TRPM3: variants seen among roughly 807,000 people sequenced by gnomAD.
The protein encoded by TRPM3 is transient receptor potential cation channel subfamily M member 3.
TRPM3 carries 77 observed loss-of-function variants against 181.2 expected under a neutral mutation model. The ratio of observed to expected loss-of-function variants is 0.42; its 90% confidence interval spans 0.35 to 0.51. TRPM3 has a LOEUF of 0.51. Ranked by LOEUF, TRPM3 falls within the 20% of genes least tolerant of loss-of-function variation. The probability of loss-of-function intolerance (pLI) is 0.01; values close to 1 mark genes in which losing one functional copy is unlikely to be tolerated. For synonymous variants in TRPM3, 745 were observed against 796.4 expected (o/e 0.94, Z 1.09); for missense variants, 1,759 against 2,196.7 (o/e 0.80, Z 3.98).
At chr9:70,774,698 T>C (rs2081012354) in intron 7 of TRPM3, 1 of 152,202 alleles carries the variant, frequency 6.6e-6, no homozygotes, top group Non-Finnish European at 1.5e-5. Flanking sequence ...CATGGTTCTA[T>C]GGATTTAGAG....
At chr9:70,606,699 G>A (rs530681467) in intron 19 of TRPM3, among the ~76,000 whole-genome samples, 64 of 151,752 alleles carry the variant, frequency 4.2e-4, no homozygotes, top group African/African-American at 1.4e-3. Context: ...CAACCTGTAT[G>A]TAGAATTTCC....
intron 7 of TRPM3, among the ~76,000 whole-genome samples, chr9:70,766,553 A>G (rs1489891697): frequency 1.3e-5 from 2 of 152,228 alleles, no homozygotes. Context: ...AGACACAATC[A>G]CCCACAGAAT....
intron 18 of TRPM3, among the ~76,000 whole-genome samples, chr9:70,614,454 C>T (rs564021787): frequency 6.6e-6 from 1 of 152,164 alleles, no homozygotes; most frequent in Non-Finnish European, 1.5e-5. Context: ...TATAATCACA[C>T]CATTTTACTC....
At chr9:71,046,586 GTCTCCGGA>G (rs1276068241) in intron 1 of TRPM3, among the ~76,000 whole-genome samples, 3 of 152,098 alleles carry the variant, frequency 2.0e-5, no homozygotes, top group African/African-American at 7.2e-5. Flanking sequence ...TTTGTTGCCT[GTCTCCGGA>G]TCTATCCTCC....
intron 8 of TRPM3, among the ~76,000 whole-genome samples, chr9:70,743,169 C>T (rs927794566): frequency 2.6e-5 from 4 of 152,206 alleles, no homozygotes; most frequent in African/African-American, 4.8e-5. Context: ...AGTAGTACTT[C>T]GAGTTGTGGC....
chr9:71,267,760 T>A (rs1172147601), intron 1 of TRPM3, among the ~76,000 whole-genome samples: 1 of 152,220 alleles, frequency 6.6e-6, no homozygotes. Context: ...CTAATCTAAA[T>A]GCACATGACG....
chr9:71,215,580 T>A (rs1335190354), intron 1 of TRPM3, among the ~76,000 whole-genome samples: 1 of 152,252 alleles, frequency 6.6e-6, no homozygotes, highest in African/African-American at 2.4e-5. Context: ...CTTAACTAAA[T>A]GTATTATTGG....
At chr9:71,250,104 G>A (rs1311711560) in intron 1 of TRPM3, among the ~76,000 whole-genome samples, 1 of 152,114 alleles carries the variant, frequency 6.6e-6, no homozygotes, top group Non-Finnish European at 1.5e-5. Flanking sequence ...AGACTCATAA[G>A]GAATCATAAA....
chr9:71,085,418 T>TGAAACTATTAAACAAGCAA (rs1204434938), intron 1 of TRPM3, among the ~76,000 whole-genome samples: 1 of 151,284 alleles, frequency 6.6e-6, no homozygotes, highest in Non-Finnish European at 1.5e-5. Context: ...TATAAGCAAA[T>TGAAACTATTAAACAAGCAA]GAAACTATTA....
chr9:71,211,072 G>A (rs1158679123), intron 1 of TRPM3, among the ~76,000 whole-genome samples: 3 of 152,082 alleles, frequency 2.0e-5, no homozygotes, highest in African/African-American at 7.2e-5. Flanking sequence ...TGAATTTTGG[G>A]GTAACACAGT....
At chr9:70,579,999 T>C (rs538901514) in intron 22 of TRPM3, among the ~76,000 whole-genome samples, 2 of 152,318 alleles carry the variant, frequency 1.3e-5, no homozygotes, top group African/African-American at 2.4e-5. Context: ...AATGCTGATT[T>C]CAGCTATTTT....
intron 16 of TRPM3, among the ~76,000 whole-genome samples, chr9:70,619,406 CTTTTTTTTTTTTTTT>C (rs1170887633): frequency 2.5e-5 from 2 of 81,418 alleles, no homozygotes; most frequent in African/African-American, 4.8e-5. Flanking sequence ...TCGTCGTCTT[CTTTTTTTTTTTTTTT>C]TTTTTTTTTT....
chr9:70,965,753 T>C (rs1432144195), intron 1 of TRPM3, among the ~76,000 whole-genome samples: 3 of 152,078 alleles, frequency 2.0e-5, no homozygotes, highest in Non-Finnish European at 1.5e-5. Context: ...TGAGGTTTTC[T>C]TTTTTCATTG....
rs2041102181 is a variant in TRPM3, at chr9:70,532,993, A to G, written c.*2960T>C. The G allele has an allele frequency of 6.6e-6, 1 of 152,236 alleles. No individual in the cohort carries two copies. Among genetic ancestry groups the G allele is most frequent in the South Asian group, 2.1e-4 (1 of 4,826 alleles). 9.4% of individuals were successfully genotyped at this position (152,236 alleles called of 1,614,324 possible). On this transcript the variant is annotated 3_prime_UTR_variant, in exon 26 of 26. Coordinates refer to ENST00000677713, the MANE Select transcript of TRPM3 (RefSeq NM_001366145.2). ...TGCACAGGAAGGAAATGGCTCATGG[A>G]AGTTACACAGTTTGTGTCTACAGTC...
At chr9:71,077,226 T>C (rs2063586764) in intron 1 of TRPM3, among the ~76,000 whole-genome samples, 1 of 152,168 alleles carries the variant, frequency 6.6e-6, no homozygotes, top group Non-Finnish European at 1.5e-5. Context: ...AATCCAGGAA[T>C]CTACGTTTCG....
At chr9:71,020,123 A>C (rs1325743609) in intron 1 of TRPM3, among the ~76,000 whole-genome samples, 1 of 151,982 alleles carries the variant, frequency 6.6e-6, no homozygotes, top group Non-Finnish European at 1.5e-5. Context: ...TTGGGAGAGT[A>C]AGATATGTTT....
At chr9:71,062,436 A>G (rs1244402115) in intron 1 of TRPM3, among the ~76,000 whole-genome samples, 4 of 152,134 alleles carry the variant, frequency 2.6e-5, no homozygotes, top group Admixed American at 6.6e-5. Flanking sequence ...TATTCTGCTC[A>G]TTGCAAGAAC....
chr9:71,243,393 G>A (rs1332599962), intron 1 of TRPM3, among the ~76,000 whole-genome samples: 1 of 152,182 alleles, frequency 6.6e-6, no homozygotes, highest in African/African-American at 2.4e-5. Flanking sequence ...TCTCCGCTGT[G>A]CAGCTGTCAC....
intron 1 of TRPM3, among the ~76,000 whole-genome samples, chr9:71,328,678 T>C (rs1213689500): frequency 1.3e-5 from 2 of 152,248 alleles, no homozygotes; most frequent in African/African-American, 4.8e-5. Context: ...TCCTCATCCT[T>C]TCTGATGGGC....
Sources: allele counts gnomAD v4.1 joint callset (sites outside exome capture counted in the v4.1 genomes callset), GRCh38; gene constraint gnomAD v4.1.1; transcripts MANE v1.5; gene names NCBI Gene and HGNC (gene_info 2026-07-23, HGNC 2026-07-21).